Variants in CD96 observed in about 807,000 individuals in gnomAD.
CD96 encodes T-cell surface protein tactile.
CD96 carries 70 observed loss-of-function variants against 71.3 expected under a neutral mutation model. The ratio of observed to expected loss-of-function variants is 0.98; its 90% confidence interval spans 0.81 to 1.20. CD96 has a LOEUF of 1.20. CD96 is among the 50% of genes most tolerant of loss of function. The probability of loss-of-function intolerance (pLI) is 0.00; values close to 1 mark genes in which losing one functional copy is unlikely to be tolerated. For synonymous variants in CD96, 248 were observed against 233.0 expected (o/e 1.06, Z -0.59); for missense variants, 742 against 677.5 (o/e 1.10, Z -1.06).
intron 7 of CD96, 32 bp from the exon 8 acceptor site, chr3:111,606,668 G>T (rs1474445457): frequency 5.9e-6 from 6 of 1,009,344 alleles, no homozygotes; most frequent in Non-Finnish European, 3.2e-6. Flanking sequence ...ACAATATTTT[G>T]TTCATTATAA....
At chr3:111,606,610 TAAAGG>T (rs537719802) in intron 7 of CD96, 85 bp from the exon 8 acceptor site, 135 of 761,074 alleles carry the variant, frequency 1.8e-4, no homozygotes, top group African/African-American at 1.1e-3. Flanking sequence ...GATGAATAAA[TAAAGG>T]AAAGTGTATT....
intron 12 of CD96, among the ~76,000 whole-genome samples, chr3:111,642,337 CAGA>C (rs1939630395): frequency 6.6e-6 from 1 of 152,132 alleles, no homozygotes; most frequent in African/African-American, 2.4e-5. Flanking sequence ...CACAGAAATA[CAGA>C]AGATCATTCA....
intron 3 of CD96, among the ~76,000 whole-genome samples, chr3:111,574,915 C>A (rs952328505): frequency 6.6e-6 from 1 of 151,602 alleles, no homozygotes; most frequent in African/African-American, 2.4e-5. Flanking sequence ...TCCCAAGGAA[C>A]TGGGACCACA....
At chr3:111,596,444 C>A (rs916703191) in intron 5 of CD96, among the ~76,000 whole-genome samples, 3 of 152,086 alleles carry the variant, frequency 2.0e-5, no homozygotes, top group African/African-American at 7.2e-5. Context: ...AAAGTCAAAT[C>A]TTTTCAAAAT....
chr3:111,572,319 C>G (rs1310568509), intron 3 of CD96, among the ~76,000 whole-genome samples: 1 of 152,192 alleles, frequency 6.6e-6, no homozygotes, highest in Non-Finnish European at 1.5e-5. Flanking sequence ...TTTTGCTTTG[C>G]AGTAAGCTCT....
At chr3:111,637,621 C>T (rs1221733056) in intron 11 of CD96, among the ~76,000 whole-genome samples, 1 of 152,106 alleles carries the variant, frequency 6.6e-6, no homozygotes, top group Non-Finnish European at 1.5e-5. Context: ...TTATCAAACA[C>T]ATCGGTGTGG....
chr3:111,567,345 GACTCT>G (rs2107547056), intron 2 of CD96, among the ~76,000 whole-genome samples, 173 bp from the exon 3 acceptor site: 1 of 152,266 alleles, frequency 6.6e-6, no homozygotes, highest in Non-Finnish European at 1.5e-5. Context: ...GCTCCTCAGT[GACTCT>G]GTTTAGCCAC....
rs759449439 is a variant in CD96 at position 111,545,232 on chromosome 3, G to A, written c.248G>A (p.Arg83Lys). The A allele has an allele frequency of 1.2e-6, 2 of 1,614,068 alleles. No individual in the cohort carries two copies. Among genetic ancestry groups the A allele is most frequent in the African/African-American group, 2.7e-5 (2 of 74,928 alleles). ...TACGGCTTCTACTGTGCCTATGGGA[G>A]ACCCTGTGAGTCACTTGTGACTTTC... ...PQYGFYCAYGRPCESLVTFTE... is the reference protein window; with the variant it reads ...PQYGFYCAYGKPCESLVTFTE... Residue 83 changes from arginine (R) to lysine (K), a missense_variant, in exon 2 of 14, where the codon AGA (arginine) becomes AAA (lysine). By Grantham distance (26) the Arg-to-Lys change is conservative (BLOSUM62 2). Coordinates refer to ENST00000352690, the MANE Select transcript of CD96 (RefSeq NM_005816.5).
chr3:111,574,587 A>G (rs1936137460), intron 3 of CD96, among the ~76,000 whole-genome samples: 1 of 152,174 alleles, frequency 6.6e-6, no homozygotes, highest in Non-Finnish European at 1.5e-5. Context: ...CAGTTTCATG[A>G]TTCAATAAGA....
chr3:111,562,700 G>T (rs1238961772), intron 2 of CD96, among the ~76,000 whole-genome samples: 1 of 152,186 alleles, frequency 6.6e-6, no homozygotes, highest in Non-Finnish European at 1.5e-5. Flanking sequence ...TGTCAATCAG[G>T]GAGTGCATTC....
At chr3:111,626,957 C>G (rs1938799534) in intron 10 of CD96, among the ~76,000 whole-genome samples, 1 of 152,074 alleles carries the variant, frequency 6.6e-6, no homozygotes, top group South Asian at 2.1e-4. Flanking sequence ...ACATTCAGGA[C>G]AGCATTTGCT....
At chr3:111,571,495 C>T (rs971531390) in intron 3 of CD96, among the ~76,000 whole-genome samples, 7 of 151,908 alleles carry the variant, frequency 4.6e-5, no homozygotes, top group Non-Finnish European at 1.0e-4. Context: ...ACTAAGAAGG[C>T]CATGTAGACA....
At chr3:111,632,656 A>G (rs539817075) in intron 10 of CD96, among the ~76,000 whole-genome samples, 7 of 152,360 alleles carry the variant, frequency 4.6e-5, no homozygotes, top group Admixed American at 2.6e-4. Context: ...CTATTATTCA[A>G]GACACATGCA....
intron 8 of CD96, among the ~76,000 whole-genome samples, chr3:111,618,012 C>T (rs564316944): frequency 3.8e-4 from 58 of 152,358 alleles, no homozygotes; most frequent in African/African-American, 1.3e-3. Context: ...TGCCATACAT[C>T]TGGTCCAGCA....
At chr3:111,565,161 G>A (rs142696130) in intron 2 of CD96, among the ~76,000 whole-genome samples, 7 of 152,310 alleles carry the variant, frequency 4.6e-5, no homozygotes, top group East Asian at 3.9e-4. Flanking sequence ...GGCAGAGGGA[G>A]GTGGTATGGG....
rs145685537 is a variant in CD96, at chr3:111,645,258, C to T, written c.1478-2285C>T. On this transcript the variant is annotated intron_variant, in intron 12 of 13. Transcript: ENST00000352690. Reference sequence around the variant, plus strand: ...GATTGGAGACTATTATTCTAAGTGACGTAACTCAGGAATGAAAAACCAAAC... The same window carrying T: ...GATTGGAGACTATTATTCTAAGTGATGTAACTCAGGAATGAAAAACCAAAC... Among the ~76,000 whole-genome samples, 685 of 152,048 alleles carry T rather than the reference C, an allele frequency of 4.5e-3. 9 individuals carry two copies. The highest frequency in any genetic ancestry group is 0.014 in the African/African-American group (571 of 41,488).
At chr3:111,615,234 C>A (rs1938169900) in intron 8 of CD96, among the ~76,000 whole-genome samples, 1 of 152,208 alleles carries the variant, frequency 6.6e-6, no homozygotes, top group Admixed American at 6.5e-5. Context: ...GGTTAACCCA[C>A]TGAGAGGATC....
intron 3 of CD96, among the ~76,000 whole-genome samples, chr3:111,574,470 T>A (rs1407251817): frequency 1.3e-5 from 2 of 152,232 alleles, no homozygotes; most frequent in African/African-American, 2.4e-5. Context: ...ACTCAACCTG[T>A]AGTACAAAGA....
intron 3 of CD96, chr3:111,577,407 T>C: frequency 6.9e-6 from 6 of 867,900 alleles, no homozygotes; most frequent in South Asian, 3.9e-5. Context: ...CTCCACTTTC[T>C]TCTCCTGTCC....
Sources: allele counts gnomAD v4.1 joint callset (sites outside exome capture counted in the v4.1 genomes callset), GRCh38; gene constraint gnomAD v4.1.1; transcripts MANE v1.5; gene names NCBI Gene and HGNC (gene_info 2026-07-23, HGNC 2026-07-21).